The following MAP7 variants were observed in gnomAD, a reference collection of about 807,000 sequenced individuals.
The protein encoded by MAP7 is ensconsin.
In MAP7, 52 loss-of-function variants were observed where a neutral mutation model predicts 94.8. The observed-to-expected ratio is 0.55, with a 90% CI of 0.44 to 0.69. The LOEUF is 0.69. Ranked by LOEUF, MAP7 falls within the 30% of genes least tolerant of loss-of-function variation. MAP7 has a pLI of 0.00. For missense variants in MAP7, 940 were observed against 964.6 expected (o/e 0.97, Z 0.34); for synonymous variants, 350 against 357.0 (o/e 0.98, Z 0.22).
intron 16 of MAP7, among the ~76,000 whole-genome samples, chr6:136,350,569 G>A (rs947198406): frequency 6.6e-6 from 1 of 152,230 alleles, no homozygotes; most frequent in African/African-American, 2.4e-5. Flanking sequence ...GAATAGGCTG[G>A]GCGTGGTGAC....
intron 1 of MAP7, among the ~76,000 whole-genome samples, chr6:136,452,193 C>CAAACAAAACA (rs71006801): frequency 0.21 from 30,589 of 145,516 alleles, 3,647 homozygotes; most frequent in Middle Eastern, 0.34. Flanking sequence ...GACTCCGTCT[C>CAAACAAAACA]AAACAAAACA....
At chr6:136,448,490 C>T (rs2128874528) in intron 1 of MAP7, among the ~76,000 whole-genome samples, 1 of 151,738 alleles carries the variant, frequency 6.6e-6, no homozygotes, top group East Asian at 2.0e-4. Context: ...TCTCAGCTCA[C>T]TGCAACCTCC....
chr6:136,516,968 A>AT (rs1825060281), intron 1 of MAP7, among the ~76,000 whole-genome samples: 1 of 130,026 alleles, frequency 7.7e-6, no homozygotes, highest in East Asian at 2.3e-4. Context: ...GGAAAAAAAA[A>AT]CCCTTGCAAA....
At chr6:136,374,035 C>T (rs546140657) in intron 7 of MAP7, among the ~76,000 whole-genome samples, 9 of 152,322 alleles carry the variant, frequency 5.9e-5, no homozygotes, top group Admixed American at 3.3e-4. Flanking sequence ...GATCTCATCT[C>T]GGCTCACTGC....
intron 1 of MAP7, among the ~76,000 whole-genome samples, chr6:136,435,535 T>G (rs1796161348): frequency 6.6e-6 from 1 of 152,256 alleles, no homozygotes; most frequent in Admixed American, 6.5e-5. Flanking sequence ...GTAAGTGACA[T>G]GGCAATGTGT....
intron 1 of MAP7, among the ~76,000 whole-genome samples, chr6:136,532,587 T>A (rs574417394): frequency 6.6e-6 from 1 of 152,140 alleles, no homozygotes; most frequent in East Asian, 1.9e-4. Context: ...TGATTTGGAA[T>A]GATGATGTTG....
intron 12 of MAP7, 72 bp downstream of exon 12, chr6:136,360,933 C>G (rs1013369525): frequency 6.5e-7 from 1 of 1,548,932 alleles, no homozygotes; most frequent in Admixed American, 1.8e-5. Context: ...GTCCAGTCCG[C>G]ACCCTCCTCT....
At chr6:136,455,066 T>G (rs184769629) in intron 1 of MAP7, among the ~76,000 whole-genome samples, 1 of 152,070 alleles carries the variant, frequency 6.6e-6, no homozygotes, top group East Asian at 1.9e-4. Flanking sequence ...TACCTTCACC[T>G]ATAGTTGAAC....
chr6:136,410,200 T>G (rs1303173337), intron 3 of MAP7, among the ~76,000 whole-genome samples: 2 of 152,178 alleles, frequency 1.3e-5, no homozygotes, highest in African/African-American at 4.8e-5. Flanking sequence ...GAACTCCTTC[T>G]ATTCAAGCAG....
chr6:136,380,010 T>G (rs192273851), intron 6 of MAP7, among the ~76,000 whole-genome samples: 32 of 152,322 alleles, frequency 2.1e-4, no homozygotes, highest in Admixed American at 5.2e-4. Context: ...TGTTGTTGTT[T>G]TTTGTTTTGT....
At chr6:136,413,966 T>C (rs945988195) in intron 2 of MAP7, among the ~76,000 whole-genome samples, 1 of 131,938 alleles carries the variant, frequency 7.6e-6, no homozygotes, top group Admixed American at 7.8e-5. Flanking sequence ...ATTGGTTAAA[T>C]GGGCCGGGCG....
intron 1 of MAP7, among the ~76,000 whole-genome samples, chr6:136,429,944 G>A (rs1486357700): frequency 2.0e-5 from 3 of 152,126 alleles, no homozygotes; most frequent in East Asian, 3.9e-4. Flanking sequence ...TACTCTACAA[G>A]CATTATCCCT....
intron 3 of MAP7, among the ~76,000 whole-genome samples, chr6:136,408,960 T>G (rs1316155651): frequency 6.6e-6 from 1 of 152,048 alleles, no homozygotes; most frequent in Non-Finnish European, 1.5e-5. Flanking sequence ...ATATAATATA[T>G]GCATGTATAT....
intron 8 of MAP7, among the ~76,000 whole-genome samples, chr6:136,371,376 C>T (rs1363013354): frequency 6.6e-6 from 1 of 152,210 alleles, no homozygotes; most frequent in East Asian, 1.9e-4. Context: ...ATCTCTGAAA[C>T]ACCAACACTC....
chr6:136,360,153 C>CTTTT, intron 13 of MAP7, 122 bp from the exon 14 acceptor site: 27 of 600,034 alleles, frequency 4.5e-5, no homozygotes, highest in African/African-American at 8.0e-5. Flanking sequence ...ACAATATGCA[C>CTTTT]TTTTTTTTTT....
intron 8 of MAP7, among the ~76,000 whole-genome samples, chr6:136,367,120 C>T (rs1794546706): frequency 6.6e-6 from 1 of 152,198 alleles, no homozygotes; most frequent in African/African-American, 2.4e-5. Context: ...CAAAACATCA[C>T]CCCTCCCTGA....
rs991110108 is a variant in MAP7 at position 136,503,697 on chromosome 6, A to C, written c.67+46645T>G. ...ATGTTTAATTTTGCTAATTAAAACTAAATACCATTTTATAGCCATCCAATT... is the reference window on the plus strand; with the variant it reads ...ATGTTTAATTTTGCTAATTAAAACTCAATACCATTTTATAGCCATCCAATT... On this transcript the variant is annotated intron_variant, in intron 1 of 17. Coordinates refer to ENST00000354570, the MANE Select transcript of MAP7 (RefSeq NM_003980.6). Among the ~76,000 whole-genome samples, 3 of 152,248 alleles carry C rather than the reference A, an allele frequency of 2.0e-5. No homozygotes were observed. The South Asian group carries it at 6.2e-4, about 31-fold the overall frequency.
chr6:136,368,255 C>A (rs114650710), intron 8 of MAP7, among the ~76,000 whole-genome samples: 432 of 151,884 alleles, frequency 2.8e-3, no homozygotes, highest in African/African-American at 8.7e-3. Flanking sequence ...TTATATCCAA[C>A]CACCCATTTG....
chr6:136,394,422 T>C (rs1222573560), intron 3 of MAP7, among the ~76,000 whole-genome samples: 9 of 150,506 alleles, frequency 6.0e-5, no homozygotes, highest in Admixed American at 5.3e-4. Context: ...TATTGATAGG[T>C]TTAATTTTTT....
Sources: gnomAD v4.1 joint callset for allele counts (sites outside exome capture counted in the v4.1 genomes callset) on GRCh38, gnomAD v4.1.1 for gene constraint, MANE v1.5 for transcripts, NCBI Gene and HGNC (gene_info 2026-07-23, HGNC 2026-07-21) for gene names.